SETD1A: variants seen among roughly 807,000 people sequenced by gnomAD.
SETD1A encodes SET domain containing 1A, histone lysine methyltransferase.
Under a neutral mutation model 149.9 loss-of-function variants are expected in SETD1A, and 29 were observed. The observed-to-expected ratio is 0.19, with a 90% CI of 0.14 to 0.26. The LOEUF (loss-of-function observed/expected upper bound fraction) is 0.26. Among genes scored for constraint, SETD1A ranks in the 10% least tolerant of loss-of-function variants. The pLI is 1.00. For missense variants in SETD1A, 2,109 were observed against 2,353.1 expected (o/e 0.90, Z 2.15); for synonymous variants, 1,141 against 968.5 (o/e 1.18, Z -3.31).
chr16:30,978,299 A>T (rs944816268), intron 13 of SETD1A, among the ~76,000 whole-genome samples: 2 of 150,866 alleles, frequency 1.3e-5, no homozygotes, highest in African/African-American at 4.9e-5. Flanking sequence ...AAAGATAGGA[A>T]CCTCTTTGGG....
chr16:30,961,183 C>G lies in SETD1A; in HGVS notation c.247-84C>G. 2 of 1,415,482 alleles carry G rather than the reference C, an allele frequency of 1.4e-6. No homozygotes were observed. Among genetic ancestry groups the G allele is most frequent in the Non-Finnish European group, 2.0e-6 (2 of 1,014,928 alleles). The allele number at this position is 1,415,482 out of a possible 1,614,324, so 87.7% of individuals were successfully genotyped here. On this transcript the variant is annotated intron_variant, in intron 3 of 18. Coordinates refer to ENST00000262519, the MANE Select transcript of SETD1A (RefSeq NM_014712.3). The surrounding 1 kb of genome is among the most constrained non-coding windows in gnomAD (Gnocchi z 4.0). ...CTTTCCCGGATCTCTCTCTTGACTTCATGGAGCTTGCTAAAGTTTCCCGAA... is the reference window on the plus strand; with the variant it reads ...CTTTCCCGGATCTCTCTCTTGACTTGATGGAGCTTGCTAAAGTTTCCCGAA...
At chr16:30,962,933 C>T (rs1166805762) in intron 4 of SETD1A, among the ~76,000 whole-genome samples, 2 of 152,250 alleles carry the variant, frequency 1.3e-5, no homozygotes, top group African/African-American at 4.8e-5. Flanking sequence ...TGTGTGAAAT[C>T]TCATGGTTTT....
chr16:30,958,934 CTG>C (rs1449317583), intron 2 of SETD1A, 53 bp downstream of exon 2: 1 of 1,603,710 alleles, frequency 6.2e-7, no homozygotes, highest in Non-Finnish European at 8.5e-7. Context: ...CGCCCGTCCT[CTG>C]TGATTCTGTT....
In SETD1A at chr16:30,961,340, A is replaced by G. The variant is rs1332172998; in HGVS notation, c.320A>G (p.Glu107Gly). 3 of 1,614,160 alleles carry G rather than the reference A, an allele frequency of 1.9e-6. No individual in the cohort carries two copies. Among genetic ancestry groups the G allele is most frequent in the Non-Finnish European group, 2.5e-6 (3 of 1,180,016 alleles). ...GCAAGGCTGAATGACAACGTGCGGG[A>G]GACCTTCCTGAAGGATATGTGCCGT... ...TFARLNDNVRETFLKDMCRKY... is the reference protein window; with the variant it reads ...TFARLNDNVRGTFLKDMCRKY... Residue 107 changes from glutamate (E) to glycine (G), a missense_variant, in exon 4 of 19, where the codon GAG becomes GGG. Around this residue, in one of 8 missense-constraint regions of SETD1A, gnomAD observed 62 missense variants for 149.5 expected, o/e 0.41. Coordinates refer to ENST00000262519, the MANE Select transcript of SETD1A (RefSeq NM_014712.3). The surrounding 1 kb of genome is among the most constrained non-coding windows in gnomAD (Gnocchi z 4.0).
At chr16:30,968,651 A>G (rs2056183750) in intron 10 of SETD1A, among the ~76,000 whole-genome samples, 1 of 151,976 alleles carries the variant, frequency 6.6e-6, no homozygotes, top group Non-Finnish European at 1.5e-5. Context: ...CAATAGAAAA[A>G]TTAGCCAGGC....
chr16:30,968,633 T>A (rs1210086971), intron 10 of SETD1A, among the ~76,000 whole-genome samples: 1 of 151,822 alleles, frequency 6.6e-6, no homozygotes, highest in Non-Finnish European at 1.5e-5. Context: ...AAACCCCGTC[T>A]CTACTAACAA....
Position 30,979,734 on chromosome 16 carries a change from G to A in SETD1A, c.3948G>A (p.Arg1316=), listed in dbSNP as rs1226112861. ...VKPTPPAPAL[R]PPEPVPAPAA... Reference sequence around the variant, plus strand: ...CCACGCCCCCTGCGCCAGCCCTGCGGCCCCCGGAGCCAGTGCCCGCACCCG... The same window carrying A: ...CCACGCCCCCTGCGCCAGCCCTGCGACCCCCGGAGCCAGTGCCCGCACCCG... Residue 1316 remains arginine, a synonymous_variant, in exon 14 of 19, where the codon CGG becomes CGA. Coordinates refer to ENST00000262519, the MANE Select transcript of SETD1A (RefSeq NM_014712.3). 23 of 1,598,838 alleles carry A rather than the reference G, an allele frequency of 1.4e-5. No homozygotes were observed. The highest frequency in any genetic ancestry group is 1.8e-5 in the Non-Finnish European group (21 of 1,178,362).
Position 30,971,414 on chromosome 16 carries a change from C to G in SETD1A, c.3053C>G (p.Ser1018Cys). Reference protein sequence around the residue: ...DEESDSSSKCSLYADSDGEND... With the variant: ...DEESDSSSKCCLYADSDGEND... Reference sequence around the variant, plus strand: ...GAAAGCGATTCGTCTTCCAAATGTTCTCTGTATGCTGACTCAGATGGCGAA... The same window carrying G: ...GAAAGCGATTCGTCTTCCAAATGTTGTCTGTATGCTGACTCAGATGGCGAA... The change falls in exon 13 of 19, where the codon TCT becomes TGT. Residue 1018 changes from serine (S) to cysteine (C), a missense_variant. Ser to Cys is a moderately radical substitution (Grantham distance 112). This residue lies in a region of SETD1A where 832 missense variants were observed against 815.6 expected (regional missense o/e 1.02). Coordinates refer to ENST00000262519, the MANE Select transcript of SETD1A (RefSeq NM_014712.3). 6 of 1,604,456 alleles carry G rather than the reference C, an allele frequency of 3.7e-6. No homozygotes were observed. Among genetic ancestry groups the G allele is most frequent in the Non-Finnish European group, 5.1e-6 (6 of 1,173,630 alleles).
In SETD1A at chr16:30,958,701, C is replaced by T; in HGVS notation, c.-15-16C>T. Reference sequence around the variant, plus strand: ...CAAGTCCTGATCCTTCTTGCGTGTCCCTCTTCCCCTAACAGTGTAAATGAG... The same window carrying T: ...CAAGTCCTGATCCTTCTTGCGTGTCTCTCTTCCCCTAACAGTGTAAATGAG... On this transcript the variant is annotated splice_polypyrimidine_tract_variant and intron_variant, in intron 1 of 18. Coordinates refer to ENST00000262519, the MANE Select transcript of SETD1A (RefSeq NM_014712.3). 2 of 1,611,514 alleles carry T rather than the reference C, an allele frequency of 1.2e-6. No individual in the cohort carries two copies. Among genetic ancestry groups the T allele is most frequent in the South Asian group, 1.1e-5 (1 of 90,920 alleles).
rs144806681 is a variant in SETD1A, at chr16:30,963,095, A to T, written c.518-338A>T. On this transcript the variant is annotated intron_variant, in intron 4 of 18. Coordinates refer to ENST00000262519, the MANE Select transcript of SETD1A (RefSeq NM_014712.3). The stretch of plus-strand genomic sequence containing the variant: ...ATCGAGCCTCTGGGTTTGAATTCCA[A>T]TTTTTCCAATGACCAATTCTGTGAC... Among the ~76,000 whole-genome samples the T allele has an allele frequency of 3.0e-3, 461 of 152,216 alleles. 2 individuals carry two copies. The highest frequency in any genetic ancestry group is 0.01 in the African/African-American group (427 of 41,538).
At chr16:30,977,389 C>G (rs1007010652) in intron 13 of SETD1A, among the ~76,000 whole-genome samples, 1 of 152,182 alleles carries the variant, frequency 6.6e-6, no homozygotes, top group South Asian at 2.1e-4. Context: ...TGGACCTGAG[C>G]GTGGCAGTAG....
intron 17 of SETD1A, among the ~76,000 whole-genome samples, chr16:30,981,499 C>T (rs898909576): frequency 7.2e-5 from 11 of 152,338 alleles, no homozygotes; most frequent in Admixed American, 3.9e-4. Flanking sequence ...CTCAGCCTCC[C>T]GAGTAGCTGG....
At position 30,967,565 on chromosome 16, in the gene SETD1A, C is replaced by T. The variant is rs975791195; in HGVS notation, c.2747C>T (p.Thr916Ile). The part of the protein sequence containing the change: ...ASEEKRPRPS[T>I]PAEEDEDDPE... ...GAGGAAAAGAGGCCTCGTCCCTCCA[C>T]TCCTGCTGAGGAAGATGAAGACGGT... Residue 916 changes from threonine (T) to isoleucine (I), a missense_variant, in exon 10 of 19, where the codon ACT becomes ATT. By Grantham distance (89) the Thr-to-Ile change is moderately conservative (BLOSUM62 -1). Around this residue, in one of 8 missense-constraint regions of SETD1A, gnomAD observed 832 missense variants for 815.6 expected, o/e 1.02. Coordinates refer to ENST00000262519, the MANE Select transcript of SETD1A (RefSeq NM_014712.3). The T allele has an allele frequency of 1.9e-6, 3 of 1,613,908 alleles. No individual in the cohort carries two copies. Among genetic ancestry groups the T allele is most frequent in the Non-Finnish European group, 2.5e-6 (3 of 1,179,950 alleles).
chr16:30,980,455 G>T lies in SETD1A; in HGVS notation c.4409-30G>T. On this transcript the variant is annotated intron_variant, in intron 14 of 18. Coordinates refer to ENST00000262519, the MANE Select transcript of SETD1A (RefSeq NM_014712.3). This position sits in a 1 kb window ranked among gnomAD's most constrained non-coding sequence, Gnocchi z 7.7. Reference sequence around the variant, plus strand: ...TGGCTGGGACGCAGGTGGCCAGAGAGGAGCCGTTCTCTTCCTTAACACCCT... The same window carrying T: ...TGGCTGGGACGCAGGTGGCCAGAGATGAGCCGTTCTCTTCCTTAACACCCT... 1 of 1,592,772 alleles carries T rather than the reference G, an allele frequency of 6.3e-7. No individual in the cohort carries two copies. The highest frequency in any genetic ancestry group is 1.1e-5 in the South Asian group (1 of 88,760).
At position 30,969,316 on chromosome 16, in the gene SETD1A, G is replaced by A. The variant is rs200860623; in HGVS notation, c.2782G>A (p.Glu928Lys). The A allele has an allele frequency of 5.1e-5, 82 of 1,613,814 alleles. 1 individual carries two copies. Among genetic ancestry groups the A allele is most frequent in the South Asian group, 2.6e-4 (24 of 91,054 alleles). Residue 928 changes from glutamate (E) to lysine (K), a missense_variant, in exon 11 of 19, where the codon GAG (glutamate) becomes AAG (lysine). Glu to Lys is a moderately conservative substitution (Grantham distance 56, BLOSUM62 1). This residue lies in a region of SETD1A where 832 missense variants were observed against 815.6 expected (regional missense o/e 1.02). Coordinates refer to ENST00000262519, the MANE Select transcript of SETD1A (RefSeq NM_014712.3). ...CTCTGCTGGCCTAGACCCTGAACAA[G>A]AGAAGGAGGCTGGAGAGCCAGGACG... ...AEEDEDDPEQ[E>K]KEAGEPGRPG...
chr16:30,979,639 G>A lies in SETD1A; in HGVS notation c.3853G>A (p.Glu1285Lys), dbSNP rs747768034. ...CTCAGAGGCCACAGAGACATCGGACGAGGCCGAGCGCCCTAGGCCCCTGCT... is the reference window on the plus strand; with the variant it reads ...CTCAGAGGCCACAGAGACATCGGACAAGGCCGAGCGCCCTAGGCCCCTGCT... ...EDSEATETSD[E>K]AERPRPLLSH... The change falls in exon 14 of 19, where the codon GAG becomes AAG. Residue 1285 changes from glutamate to lysine, a missense_variant. Transcript: ENST00000262519. 7 of 1,610,260 alleles carry A rather than the reference G, an allele frequency of 4.3e-6. No homozygotes were observed. The highest frequency in any genetic ancestry group is 3.3e-5 in the South Asian group (3 of 91,080).
In SETD1A at chr16:30,965,468, T is replaced by C. The variant is rs2056127643; in HGVS notation, c.1719+7T>C. The C allele has an allele frequency of 1.3e-6, 2 of 1,588,656 alleles. No homozygotes were observed. The highest frequency in any genetic ancestry group is 1.7e-6 in the Non-Finnish European group (2 of 1,163,252). ...GGCAAATGGACAGAACCAGGTGAGG[T>C]TGGGGTCAGCCAGAGGAGGCACCTG... On this transcript the variant is annotated splice_region_variant and intron_variant, in intron 7 of 18. Transcript: ENST00000262519.
chr16:30,962,064 ATTTT>A (rs60360905), intron 4 of SETD1A, among the ~76,000 whole-genome samples: 1 of 110,340 alleles, frequency 9.1e-6, no homozygotes, highest in African/African-American at 3.4e-5. Context: ...CCTGTTTTTA[ATTTT>A]TTTTTTTTTT....
rs537376249 is a variant in SETD1A, at chr16:30,965,707, C to A, written c.1826C>A (p.Pro609His). The change falls in exon 8 of 19, where the codon CCT (proline) becomes CAT (histidine). Residue 609 changes from proline (P) to histidine (H), a missense_variant. By Grantham distance (77) the Pro-to-His change is moderately conservative (BLOSUM62 -2). Coordinates refer to ENST00000262519, the MANE Select transcript of SETD1A (RefSeq NM_014712.3). ...CCTCAGCAGCCTCCGCCACCTCCCC[C>A]TCCCCCGCCGCCTCCTCCTCCCTAC... ...TPPQQPPPPPPPPPPPPPYLA... is the reference protein window; with the variant it reads ...TPPQQPPPPPHPPPPPPPYLA... The A allele has an allele frequency of 1.9e-6, 3 of 1,590,228 alleles. No individual in the cohort carries two copies. Among genetic ancestry groups the A allele is most frequent in the African/African-American group, 1.4e-5 (1 of 73,492 alleles).
Sources: allele counts gnomAD v4.1 joint callset (sites outside exome capture counted in the v4.1 genomes callset), GRCh38; gene constraint gnomAD v4.1.1; regional missense constraint gnomAD v4.1.1; non-coding constraint Gnocchi (gnomAD v3.1); transcripts MANE v1.5; gene names NCBI Gene and HGNC (gene_info 2026-07-23, HGNC 2026-07-21).